MTMR10: variants seen among roughly 807,000 people sequenced by gnomAD.
The protein encoded by MTMR10 is myotubularin-related protein 10.
In MTMR10, 56 loss-of-function variants were observed where a neutral mutation model predicts 88.1. The ratio of observed to expected loss-of-function variants is 0.64; its 90% confidence interval spans 0.51 to 0.79. The LOEUF is 0.79. MTMR10 is among the 30% of genes least tolerant of loss of function. The pLI, the probability that MTMR10 is intolerant of heterozygous loss-of-function variation, is 0.00. For synonymous variants in MTMR10, 380 were observed against 340.9 expected, an observed-to-expected ratio of 1.11 and a Z score of -1.26; for missense variants, 883 against 924.7, an observed-to-expected ratio of 0.95 and a Z score of 0.58.
intron 1 of MTMR10, chr15:30,991,179 G>A (rs929332410): frequency 4.2e-6 from 2 of 476,466 alleles, no homozygotes; most frequent in Admixed American, 8.6e-5. Flanking sequence ...CAGCTCCCAA[G>A]GCTCCCCTGG....
At position 30,940,966 on chromosome 15, in the gene MTMR10, AAATTCTGGC is replaced by A; in HGVS notation, c.*495_*503del. 1 of 1,097,374 alleles carries A rather than the reference AAATTCTGGC, an allele frequency of 9.1e-7. No homozygotes were observed. 68.0% of individuals were successfully genotyped at this position (1,097,374 alleles called of 1,614,324 possible). On this transcript the variant is annotated 3_prime_UTR_variant, in exon 16 of 16. Coordinates refer to ENST00000435680, the MANE Select transcript of MTMR10 (RefSeq NM_017762.3). ...TCCAAAGAAGGTGATCTAAAATCAT[AAATTCTGGC>A]CCCAGAACACTGAACCTTCATCAGG...
At chr15:30,985,718 G>C (rs1396947438) in intron 2 of MTMR10, among the ~76,000 whole-genome samples, 1 of 152,240 alleles carries the variant, frequency 6.6e-6, no homozygotes, top group Non-Finnish European at 1.5e-5. Flanking sequence ...AAGAATACAA[G>C]GCTTTTGTGT....
At chr15:30,987,820 C>A (rs1406928783) in intron 2 of MTMR10, among the ~76,000 whole-genome samples, 3 of 151,902 alleles carry the variant, frequency 2.0e-5, no homozygotes, top group African/African-American at 4.8e-5. Context: ...GAATTTCAAG[C>A]CCCGCACGCA....
chr15:30,948,087 C>G (rs2063196421), intron 13 of MTMR10, among the ~76,000 whole-genome samples: 2 of 152,148 alleles, frequency 1.3e-5, no homozygotes, highest in African/African-American at 4.8e-5. Flanking sequence ...TAGACAAATT[C>G]AATAGACAAC....
At chr15:30,944,240 A>G (rs1482010193) in intron 14 of MTMR10, among the ~76,000 whole-genome samples, 1 of 152,122 alleles carries the variant, frequency 6.6e-6, no homozygotes, top group South Asian at 2.1e-4. Flanking sequence ...CAAATAAGTA[A>G]AAATTCATTA....
At position 30,948,490 on chromosome 15, in the gene MTMR10, G is replaced by T; in HGVS notation, c.1208-19C>A. 2 of 1,579,490 alleles carry T rather than the reference G, an allele frequency of 1.3e-6. No individual in the cohort carries two copies. Among genetic ancestry groups the T allele is most frequent in the South Asian group, 2.3e-5 (2 of 86,580 alleles). On this transcript the variant is annotated intron_variant, in intron 12 of 15. Transcript: ENST00000435680. ...TCCTCCTCTGTTAATAAAATGGAAA[G>T]AAAATGATTACAACATAGAAAAATG... is the stretch of plus-strand genomic sequence containing the variant.
intron 2 of MTMR10, 55 bp from the exon 3 acceptor site, chr15:30,977,010 T>C: frequency 3.9e-6 from 6 of 1,545,346 alleles, no homozygotes; most frequent in Middle Eastern, 3.8e-4. Flanking sequence ...ACCAACGGTC[T>C]TTGTGGGACC....
intron 6 of MTMR10, 40 bp from the exon 7 acceptor site, chr15:30,961,113 T>C: frequency 1.3e-6 from 2 of 1,513,762 alleles, no homozygotes; most frequent in South Asian, 1.3e-5. Context: ...AACAGTCACA[T>C]TTTCCCCAGC....
intron 6 of MTMR10, among the ~76,000 whole-genome samples, chr15:30,962,727 A>C (rs181039236): frequency 4.3e-4 from 65 of 152,336 alleles, no homozygotes; most frequent in African/African-American, 1.5e-3. Context: ...ATAAGATTTT[A>C]TCTCTATCTT....
Position 30,939,686 on chromosome 15 carries a change from A to G in MTMR10, c.*1784T>C, listed in dbSNP as rs2062973835. 1 of 959,500 alleles carries G rather than the reference A, an allele frequency of 1.0e-6. No homozygotes were observed. Among genetic ancestry groups the G allele is most frequent in the African/African-American group, 1.8e-5 (1 of 56,790 alleles). 59.4% of individuals were successfully genotyped at this position (959,500 alleles called of 1,614,324 possible). A position where few individuals can be genotyped will look rare whatever the true frequency, so the allele number is the denominator to read the frequency against. On this transcript the variant is annotated 3_prime_UTR_variant, in exon 16 of 16. Coordinates refer to ENST00000435680, the MANE Select transcript of MTMR10 (RefSeq NM_017762.3). ...TAAACGTGAAGGAAGAAAATTACAG[A>G]GGGAAAAATGCTCAATCCAAAACAT...
Position 30,959,023 on chromosome 15 carries a change from A to ATTT in MTMR10, c.846+10_846+11insAAA. On this transcript the variant is annotated intron_variant, in intron 8 of 15. Coordinates refer to ENST00000435680, the MANE Select transcript of MTMR10 (RefSeq NM_017762.3). ...CGTCAGCATTCATAAAATCCAACAGAAATCACTTACTGGCATCCTTCTCCC... is the reference window on the plus strand; with the variant it reads ...CGTCAGCATTCATAAAATCCAACAGATTTAATCACTTACTGGCATCCTTCTCCC... The ATTT allele has an allele frequency of 6.2e-7, 1 of 1,613,758 alleles. No homozygotes were observed. Among genetic ancestry groups the ATTT allele is most frequent in the South Asian group, 1.1e-5 (1 of 91,068 alleles).
intron 2 of MTMR10, among the ~76,000 whole-genome samples, chr15:30,982,770 T>C (rs951133110): frequency 1.3e-5 from 2 of 152,228 alleles, no homozygotes; most frequent in South Asian, 2.1e-4. Context: ...TTTAAAATAT[T>C]TGGATCATGT....
chr15:30,925,757 G>A, the MTMR10 span: 1 of 1,612,596 alleles, frequency 6.2e-7, no homozygotes, highest in East Asian at 2.2e-5. Context: ...GCTGACCTGA[G>A]GCTAATAGAT....
the MTMR10 span, chr15:30,929,474 C>A: frequency 1.9e-6 from 2 of 1,062,510 alleles, no homozygotes; most frequent in South Asian, 3.1e-5. Flanking sequence ...GCAACTTTAT[C>A]AAAATACACA....
At chr15:30,952,242 C>A (rs2063258982) in intron 11 of MTMR10, among the ~76,000 whole-genome samples, 1 of 152,224 alleles carries the variant, frequency 6.6e-6, no homozygotes, top group South Asian at 2.1e-4. Context: ...AGCTGTGGCT[C>A]CCTGCTGCTA....
chr15:30,979,188 C>T (rs1027017607), intron 2 of MTMR10, among the ~76,000 whole-genome samples: 8 of 152,170 alleles, frequency 5.3e-5, no homozygotes, highest in South Asian at 2.1e-4. Context: ...TAAAAACAGA[C>T]TCTTCAAACC....
intron 2 of MTMR10, among the ~76,000 whole-genome samples, chr15:30,978,921 T>C (rs1194717440): frequency 6.6e-6 from 1 of 151,962 alleles, no homozygotes; most frequent in African/African-American, 2.4e-5. Context: ...ATAGACGCAC[T>C]GAGTAATTCA....
chr15:30,952,427 A>G (rs186262095), intron 11 of MTMR10, among the ~76,000 whole-genome samples: 4 of 152,328 alleles, frequency 2.6e-5, no homozygotes, highest in Admixed American at 2.6e-4. Context: ...GTGCAGTGGC[A>G]TATCACAGCT....
At chr15:30,922,658 C>T in the MTMR10 span, among the ~76,000 whole-genome samples, 6 of 152,296 alleles carry the variant, frequency 3.9e-5, no homozygotes, top group African/African-American at 1.4e-4. Context: ...AGTCAGATGA[C>T]TCAGCCGTCA....
Sources: gnomAD v4.1 joint callset for allele counts (sites outside exome capture counted in the v4.1 genomes callset) on GRCh38, gnomAD v4.1.1 for gene constraint, MANE v1.5 for transcripts, NCBI Gene and HGNC (gene_info 2026-07-23, HGNC 2026-07-21) for gene names.